Variants in NRN1 observed in about 807,000 individuals in gnomAD.
NRN1 encodes the protein neuritin.
NRN1 carries 4 observed loss-of-function variants against 15.0 expected under a neutral mutation model. That is an observed-to-expected ratio of 0.27 (90% CI 0.13 to 0.61). NRN1 has a LOEUF of 0.61. NRN1 is among the 20% of genes least tolerant of loss of function. The pLI is 0.87. For missense variants in NRN1, 134 were observed against 181.9 expected, an observed-to-expected ratio of 0.74 and a Z score of 1.51; for synonymous variants, 85 against 79.8, an observed-to-expected ratio of 1.07 and a Z score of -0.35.
At position 6,002,501 on chromosome 6, in the gene NRN1, C is replaced by G. The variant is rs758302617; in HGVS notation, c.56-4G>C. The G allele has an allele frequency of 1.9e-6, 3 of 1,612,504 alleles. No homozygotes were observed. The highest frequency in any genetic ancestry group is 2.5e-6 in the Non-Finnish European group (3 of 1,179,282). ...CTCACGGCCTGCACCAGATACGCTG[C>G]GGGGAGGAGGGAACACCGGTCAGCA... On this transcript the variant is annotated splice_polypyrimidine_tract_variant and splice_region_variant and intron_variant, in intron 1 of 2. Transcript: ENST00000244766.
At chr6:6,003,877 G>C (rs1173258211) in intron 1 of NRN1, 3 of 1,231,234 alleles carry the variant, frequency 2.4e-6, no homozygotes, top group Middle Eastern at 2.5e-4. Context: ...CCGCACTGGC[G>C]CCCACGACCC....
At chr6:6,003,511 C>A (rs899659924) in intron 1 of NRN1, among the ~76,000 whole-genome samples, 1 of 152,234 alleles carries the variant, frequency 6.6e-6, no homozygotes, top group Admixed American at 6.5e-5. Flanking sequence ...TGAAAGTGAG[C>A]TCGCCGCGGC....
intron 2 of NRN1, among the ~76,000 whole-genome samples, chr6:6,001,006 G>T (rs1026563257): frequency 6.6e-6 from 1 of 152,132 alleles, no homozygotes; most frequent in African/African-American, 2.4e-5. Flanking sequence ...TTTGGGAGCT[G>T]CTCTATATGC....
At chr6:6,004,402 C>T (rs1204722500) in intron 1 of NRN1, among the ~76,000 whole-genome samples, 1 of 152,152 alleles carries the variant, frequency 6.6e-6, no homozygotes, top group Non-Finnish European at 1.5e-5. Flanking sequence ...AGTCCAATCT[C>T]CCCGTCCACG....
In NRN1 at chr6:5,999,201, G is replaced by T; in HGVS notation, c.204C>A (p.Tyr68Ter). 1 of 1,611,424 alleles carries T rather than the reference G, an allele frequency of 6.2e-7. No individual in the cohort carries two copies. Among genetic ancestry groups the T allele is most frequent in the Non-Finnish European group, 8.5e-7 (1 of 1,178,012 alleles). The change falls in exon 3 of 3, where the codon TAC (tyrosine) becomes TAA (stop). Residue 68 changes from tyrosine (Y) to a stop codon, truncating the protein, a stop_gained. Coordinates refer to ENST00000244766, the MANE Select transcript of NRN1 (RefSeq NM_016588.3). LOFTEE classifies it high-confidence loss of function. ...CCGTGCAGCTGTGGAAATCCTCCCA[G>T]TATCTGGTGAGGAACAGAACAAAAC... ...DKTNIKTVCTYWEDFHSCTVT... is the reference protein window; with the variant it reads ...DKTNIKTVCT
chr6:6,003,304 G>A, intron 1 of NRN1: 2 of 1,200,942 alleles, frequency 1.7e-6, no homozygotes, highest in Non-Finnish European at 2.1e-6. Context: ...GGCCGGGCGG[G>A]GTCACGGATG....
chr6:6,003,635 C>T, intron 1 of NRN1: 2 of 1,083,294 alleles, frequency 1.8e-6, no homozygotes, highest in Non-Finnish European at 2.4e-6. Flanking sequence ...AGGTCCAAGC[C>T]CCAAGCCCCC....
At position 5,998,717 on chromosome 6, in the gene NRN1, T is replaced by A. The variant is rs767063840; in HGVS notation, c.*259A>T. 1 of 373,736 alleles carries A rather than the reference T, an allele frequency of 2.7e-6. No homozygotes were observed. Among genetic ancestry groups the A allele is most frequent in the Non-Finnish European group, 4.8e-6 (1 of 209,920 alleles). The allele number at this position is 373,736 out of a possible 1,614,324, so 23.2% of individuals were successfully genotyped here. ...ATGGGGTGGGTTTGCCGTTTTCTTATTTGTGTGTGAAGACGGACTAAAGCT... is the reference window on the plus strand; with the variant it reads ...ATGGGGTGGGTTTGCCGTTTTCTTAATTGTGTGTGAAGACGGACTAAAGCT... On this transcript the variant is annotated 3_prime_UTR_variant, in exon 3 of 3. Transcript: ENST00000244766.
At chr6:5,999,813 G>A (rs889882420) in intron 2 of NRN1, among the ~76,000 whole-genome samples, 15 of 151,524 alleles carry the variant, frequency 9.9e-5, no homozygotes, top group Non-Finnish European at 1.8e-4. Context: ...TTTCCGTTCC[G>A]TCTGCTTTCC....
chr6:6,001,137 G>A (rs1474081786), intron 2 of NRN1, among the ~76,000 whole-genome samples: 2 of 152,160 alleles, frequency 1.3e-5, no homozygotes, highest in African/African-American at 4.8e-5. Flanking sequence ...GCTCCTAGTA[G>A]GCACTGGGGC....
intron 1 of NRN1, chr6:6,002,828 C>G: frequency 2.4e-6 from 1 of 411,054 alleles, no homozygotes; most frequent in Non-Finnish European, 4.4e-6. Flanking sequence ...CTTCTCACCT[C>G]CCTCATCCCT....
At chr6:6,003,782 G>GC in intron 1 of NRN1, 1 of 1,234,132 alleles carries the variant, frequency 8.1e-7, no homozygotes, top group South Asian at 4.1e-5. Context: ...GTGCCTAGCG[G>GC]CCCAAAGCAG....
In NRN1 at chr6:6,002,382, G is replaced by A. The variant is rs1757975415; in HGVS notation, c.171C>T (p.Asp57=). Residue 57 remains aspartate, a synonymous_variant, in exon 2 of 3, where the codon GAC becomes GAT. Coordinates refer to ENST00000244766, the MANE Select transcript of NRN1 (RefSeq NM_016588.3). ...ACACGGTCTTGATGTTCGTCTTGTC[G>A]TCCAGGCCCTGCGGGTAGTTGGCCA... ...DSMANYPQGL[D]DKTNIKTVCT... The A allele has an allele frequency of 6.2e-7, 1 of 1,614,222 alleles. No homozygotes were observed. Among genetic ancestry groups the A allele is most frequent in the East Asian group, 2.2e-5 (1 of 44,884 alleles).
chr6:6,003,748 C>T, intron 1 of NRN1: 1 of 1,234,316 alleles, frequency 8.1e-7, no homozygotes, highest in East Asian at 3.2e-5. Context: ...CGCCCTGAGG[C>T]CGACGAACCC....
intron 1 of NRN1, among the ~76,000 whole-genome samples, chr6:6,004,848 G>T (rs1205224115): frequency 1.3e-5 from 2 of 151,834 alleles, no homozygotes; most frequent in East Asian, 1.9e-4. Context: ...TCATTCGTTC[G>T]ACCTCTCATT....
chr6:6,002,333 C>G lies in NRN1; in HGVS notation c.200+20G>C. The G allele has an allele frequency of 1.2e-6, 2 of 1,611,586 alleles. No individual in the cohort carries two copies. The highest frequency in any genetic ancestry group is 1.1e-5 in the South Asian group (1 of 91,026). ...AGCGCCCCCAAAACCGAAGTCCAGC[C>G]GGCCAGAGAGGACACTTACGTGCAC... On this transcript the variant is annotated intron_variant, in intron 2 of 2. Coordinates refer to ENST00000244766, the MANE Select transcript of NRN1 (RefSeq NM_016588.3).
intron 1 of NRN1, chr6:6,003,398 T>G (rs1758018113): frequency 1.9e-6 from 1 of 516,594 alleles, no homozygotes; most frequent in African/African-American, 2.0e-5. Flanking sequence ...GCCACTCGGC[T>G]CCCCAGACAC....
intron 1 of NRN1, among the ~76,000 whole-genome samples, chr6:6,006,455 A>T: frequency 6.6e-6 from 1 of 152,248 alleles, no homozygotes; most frequent in South Asian, 2.1e-4. Flanking sequence ...GGGGAAAAAA[A>T]CCGTGTCCAG....
In NRN1 at chr6:6,006,826, A is replaced by G; in HGVS notation, c.-77T>C. ...AGAGAACGCGGGGGAAAGCCAAAAA[A>G]TAGGCATTGCCAACAAGTTCCGGGA... On this transcript the variant is annotated 5_prime_UTR_variant, in exon 1 of 3. Coordinates refer to ENST00000244766, the MANE Select transcript of NRN1 (RefSeq NM_016588.3). The G allele has an allele frequency of 7.4e-7, 1 of 1,358,570 alleles. No individual in the cohort carries two copies. The highest frequency in any genetic ancestry group is 1.2e-5 in the South Asian group (1 of 85,890). The allele number at this position is 1,358,570 out of a possible 1,614,324, so 84.2% of individuals were successfully genotyped here.
Sources: allele counts gnomAD v4.1 joint callset (sites outside exome capture counted in the v4.1 genomes callset), GRCh38; gene constraint gnomAD v4.1.1; transcripts MANE v1.5; gene names NCBI Gene and HGNC (gene_info 2026-07-23, HGNC 2026-07-21).